POLDIP3: variants seen among roughly 807,000 people sequenced by gnomAD.
POLDIP3 encodes polymerase delta-interacting protein 3.
In POLDIP3, 14 loss-of-function variants were observed where a neutral mutation model predicts 45.1. That is an observed-to-expected ratio of 0.31 (90% CI 0.20 to 0.49). POLDIP3 has a LOEUF of 0.49. POLDIP3 is among the 20% of genes least tolerant of loss of function. The pLI, the probability that POLDIP3 is intolerant of heterozygous loss-of-function variation, is 0.99. For missense variants in POLDIP3, 511 were observed against 538.8 expected (o/e 0.95, Z 0.51); for synonymous variants, 223 against 205.2 (o/e 1.09, Z -0.74).
intron 2 of POLDIP3, 96 bp downstream of exon 2, chr22:42,602,674 G>A (rs1926469805): frequency 2.2e-6 from 3 of 1,367,716 alleles, no homozygotes; most frequent in Admixed American, 4.4e-5. Context: ...ACACTTGAGA[G>A]GATAGTATTT....
intron 1 of POLDIP3, among the ~76,000 whole-genome samples, chr22:42,609,360 G>A (rs536577152): frequency 1.2e-4 from 19 of 152,290 alleles, no homozygotes; most frequent in African/African-American, 3.9e-4. Context: ...CAGGTATTCC[G>A]CGAGGTCCTG....
At chr22:42,592,140 C>T in intron 6 of POLDIP3, 56 bp from the exon 7 acceptor site, 2 of 1,609,234 alleles carry the variant, frequency 1.2e-6, no homozygotes, top group East Asian at 2.2e-5. Context: ...ACCTGCCGCT[C>T]ACACACTCTG....
chr22:42,608,957 C>T (rs1030422238), intron 1 of POLDIP3, among the ~76,000 whole-genome samples: 16 of 152,208 alleles, frequency 1.1e-4, no homozygotes, highest in African/African-American at 3.1e-4. Context: ...ATCACAGCTG[C>T]TCTTCCTGCA....
Position 42,603,007 on chromosome 22 carries a change from G to A in POLDIP3, c.213C>T (p.Val71=). The A allele has an allele frequency of 6.2e-7, 1 of 1,614,086 alleles. No individual in the cohort carries two copies. The highest frequency in any genetic ancestry group is 8.5e-7 in the Non-Finnish European group (1 of 1,180,014). The part of the protein sequence containing the change: ...GLSDARLKLG[V]KDAREKLLQK... ...GCAAAAGCTTCTCCCGGGCATCCTT[G>A]ACTCCCAGTTTGAGCCGGGCATCTG... The change falls in exon 2 of 9, where the codon GTC becomes GTT. Residue 71 remains valine (V), a synonymous_variant. Transcript: ENST00000252115.
intron 4 of POLDIP3, 40 bp from the exon 5 acceptor site, chr22:42,596,405 T>C (rs754751526): frequency 3.8e-6 from 6 of 1,584,338 alleles, no homozygotes; most frequent in Non-Finnish European, 5.2e-6. Flanking sequence ...AAGCCAGACC[T>C]GCAATGTTCT....
intron 3 of POLDIP3, among the ~76,000 whole-genome samples, chr22:42,600,190 A>C (rs1314987666): frequency 6.6e-6 from 1 of 152,278 alleles, no homozygotes; most frequent in Admixed American, 6.5e-5. Flanking sequence ...TAACAGTGAA[A>C]ATGACAGGAA....
intron 1 of POLDIP3, among the ~76,000 whole-genome samples, chr22:42,612,855 C>T (rs1017408538): frequency 6.6e-6 from 1 of 152,100 alleles, no homozygotes; most frequent in Non-Finnish European, 1.5e-5. Context: ...ACCCTTCTCA[C>T]ATTTAATCCC....
At chr22:42,605,542 T>A (rs952365391) in intron 1 of POLDIP3, among the ~76,000 whole-genome samples, 1 of 152,182 alleles carries the variant, frequency 6.6e-6, no homozygotes, top group African/African-American at 2.4e-5. Context: ...AAATTCAGAT[T>A]TAAAGATTTT....
chr22:42,609,329 C>CA (rs747166835), intron 1 of POLDIP3, among the ~76,000 whole-genome samples: 122 of 152,326 alleles, frequency 8.0e-4, no homozygotes, highest in Non-Finnish European at 1.4e-3. Context: ...TACAGCTCTG[C>CA]AACTGCTTCC....
chr22:42,601,944 C>G (rs1240665824), intron 3 of POLDIP3, 26 bp downstream of exon 3: 1 of 1,609,386 alleles, frequency 6.2e-7, no homozygotes, highest in Admixed American at 1.7e-5. Context: ...CAGATTCTCT[C>G]TCTCTCTCTC....
intron 1 of POLDIP3, among the ~76,000 whole-genome samples, chr22:42,609,362 G>A (rs763627103): frequency 7.9e-5 from 12 of 152,190 alleles, no homozygotes; most frequent in South Asian, 4.1e-4. Context: ...GGTATTCCGC[G>A]AGGTCCTGGC....
chr22:42,595,710 G>T, intron 5 of POLDIP3, 96 bp from the exon 6 acceptor site: 1 of 1,124,184 alleles, frequency 8.9e-7, no homozygotes, highest in Non-Finnish European at 1.3e-6. Context: ...AAGGCCCAGA[G>T]GAAAGCTCCA....
chr22:42,597,403 A>G lies in POLDIP3; in HGVS notation c.634-1038T>C, dbSNP rs534025756. 2.9e-4 allele frequency among the ~76,000 whole-genome samples: 44 copies of G among 152,238 alleles called. 1 individual carries two copies. The highest frequency in any genetic ancestry group is 1.0e-3 in the African/African-American group (43 of 41,558). Reference sequence around the variant, plus strand: ...GCGTCATCCCCATGCTGAATTCCACATTCCTCATGTGGAATTCTGCGTCTC... The same window carrying G: ...GCGTCATCCCCATGCTGAATTCCACGTTCCTCATGTGGAATTCTGCGTCTC... On this transcript the variant is annotated intron_variant, in intron 4 of 8. Coordinates refer to ENST00000252115, the MANE Select transcript of POLDIP3 (RefSeq NM_032311.5).
intron 7 of POLDIP3, among the ~76,000 whole-genome samples, chr22:42,588,799 T>C (rs982475718): frequency 6.6e-6 from 1 of 152,122 alleles, no homozygotes; most frequent in African/African-American, 2.4e-5. Flanking sequence ...TGGCTAATTT[T>C]GTATTTTTAG....
intron 4 of POLDIP3, 83 bp from the exon 5 acceptor site, chr22:42,596,448 G>C: frequency 7.3e-7 from 1 of 1,362,814 alleles, no homozygotes; most frequent in Non-Finnish European, 1.0e-6. Context: ...AACTTGCTGA[G>C]AGCATGAACC....
intron 6 of POLDIP3, among the ~76,000 whole-genome samples, chr22:42,593,285 G>C (rs1388880354): frequency 6.6e-6 from 1 of 152,092 alleles, no homozygotes; most frequent in African/African-American, 2.4e-5. Flanking sequence ...AGATATGGAG[G>C]GCCAACTATA....
chr22:42,593,662 G>A (rs977981166), intron 6 of POLDIP3, among the ~76,000 whole-genome samples: 4 of 152,144 alleles, frequency 2.6e-5, no homozygotes, highest in Non-Finnish European at 5.9e-5. Context: ...GGGACTACAG[G>A]CACGTGCCAC....
intron 1 of POLDIP3, among the ~76,000 whole-genome samples, chr22:42,606,027 A>G (rs1030754491): frequency 2.0e-5 from 3 of 152,178 alleles, no homozygotes; most frequent in African/African-American, 4.8e-5. Flanking sequence ...CTATAATCCT[A>G]GCTACTCGGA....
intron 2 of POLDIP3, 149 bp downstream of exon 2, chr22:42,602,621 C>A (rs925845814): frequency 1.2e-6 from 1 of 841,510 alleles, no homozygotes; most frequent in Non-Finnish European, 1.8e-6. Context: ...TTGGCTATAA[C>A]GTACTTAAAG....
Sources: gnomAD v4.1 joint callset for allele counts (sites outside exome capture counted in the v4.1 genomes callset) on GRCh38, gnomAD v4.1.1 for gene constraint, MANE v1.5 for transcripts, NCBI Gene and HGNC (gene_info 2026-07-23, HGNC 2026-07-21) for gene names.